TBC1D9B: variants seen among roughly 807,000 people sequenced by gnomAD.
TBC1D9B encodes the protein TBC1 domain family member 9B, also known as TBC1 domain family, member 9B (with GRAM domain).
Under a neutral mutation model 121.1 loss-of-function variants are expected in TBC1D9B, and 87 were observed. The ratio of observed to expected loss-of-function variants is 0.72; its 90% confidence interval spans 0.60 to 0.86. TBC1D9B has a LOEUF of 0.86. Ranked by LOEUF, TBC1D9B falls within the 40% of genes least tolerant of loss-of-function variation. TBC1D9B has a pLI of 0.00. For synonymous variants in TBC1D9B, 668 were observed against 670.1 expected (o/e 1.00, Z 0.05); for missense variants, 1,540 against 1,628.6 (o/e 0.95, Z 0.94).
At position 179,879,752 on chromosome 5, in the gene TBC1D9B, G is replaced by A; in HGVS notation, c.1292C>T (p.Ala431Val). ...PAPQEGSEQPASPASPLSSRQ... is the reference protein window; with the variant it reads ...PAPQEGSEQPVSPASPLSSRQ... ...GCTGCTGAGGGGAGAGGCTGGGCTG[G>A]CGGGCTGCTCCGACCCCTCCTGAGG... is the stretch of plus-strand genomic sequence containing the variant. Residue 431 changes from alanine (A) to valine (V), a missense_variant, in exon 8 of 21, where the codon GCC becomes GTC. Transcript: ENST00000355235. 6.2e-7 allele frequency: 1 copy of A among 1,613,908 alleles called. No homozygotes were observed. Among genetic ancestry groups the A allele is most frequent in the African/African-American group, 1.3e-5 (1 of 75,068 alleles).
At chr5:179,900,577 T>C (rs1193752163) in intron 2 of TBC1D9B, among the ~76,000 whole-genome samples, 2 of 152,198 alleles carry the variant, frequency 1.3e-5, no homozygotes, top group African/African-American at 4.8e-5. Flanking sequence ...CCTGAACCAG[T>C]ACCCTGGGGG....
intron 14 of TBC1D9B, 100 bp from the exon 15 acceptor site, chr5:179,871,630 T>C: frequency 7.7e-7 from 1 of 1,295,546 alleles, no homozygotes; most frequent in Middle Eastern, 2.2e-4. Context: ...AGGGCAAGGG[T>C]GTGAACCGCC....
intron 14 of TBC1D9B, chr5:179,872,548 GC>G: frequency 3.1e-6 from 1 of 321,424 alleles, no homozygotes. Flanking sequence ...TTTGGGGTGT[GC>G]GGAGGATGGC....
In TBC1D9B at chr5:179,890,830, T is replaced by C. The variant is rs868672821; in HGVS notation, c.1044+549A>G. On this transcript the variant is annotated intron_variant, in intron 6 of 20. Transcript: ENST00000355235. This position sits in a 1 kb window ranked among gnomAD's most constrained non-coding sequence, Gnocchi z 5.0. ...ATGGCCTTGCTCCCACCAGGGTCACTGTGGAAGTCCAAGAAACCCAAGAAG... is the reference window on the plus strand; with the variant it reads ...ATGGCCTTGCTCCCACCAGGGTCACCGTGGAAGTCCAAGAAACCCAAGAAG... Among the ~76,000 whole-genome samples, 25 of 152,252 alleles carry C rather than the reference T, an allele frequency of 1.6e-4. No individual in the cohort carries two copies. Among genetic ancestry groups the C allele is most frequent in the Admixed American group, 5.2e-4 (8 of 15,302 alleles).
Position 179,893,269 on chromosome 5 carries a change from A to T in TBC1D9B, c.776T>A (p.Leu259Gln). 1.9e-6 allele frequency: 3 copies of T among 1,613,786 alleles called. No individual in the cohort carries two copies. Among genetic ancestry groups the T allele is most frequent in the Non-Finnish European group, 2.5e-6 (3 of 1,180,008 alleles). The part of the protein sequence containing the change: ...MRQLLDSEGF[L>Q]EDKALPRPIR... ...GGGCCTAGGCAGGGCCTTGTCCTCC[A>T]GGAAGCCCTCGCTGTCCAGCAGCTG... Residue 259 changes from leucine (L) to glutamine (Q), a missense_variant, in exon 5 of 21, where the codon CTG (leucine) becomes CAG (glutamine). By Grantham distance (113) the Leu-to-Gln change is moderately radical. Coordinates refer to ENST00000355235, the MANE Select transcript of TBC1D9B (RefSeq NM_015043.4).
intron 5 of TBC1D9B, among the ~76,000 whole-genome samples, chr5:179,892,512 A>G (rs1338105159): frequency 6.6e-6 from 1 of 152,218 alleles, no homozygotes; most frequent in Non-Finnish European, 1.5e-5. Context: ...GGAGTTTCCC[A>G]TAAGCTACAA....
rs773160561 is a variant in TBC1D9B, at chr5:179,879,700, C to T, written c.1344G>A (p.Ala448=). ...SSRQSFCAQE[A]PTASQGLLKL... The stretch of plus-strand genomic sequence containing the variant: ...TCAGCAGGCCCTGGGATGCGGTTGG[C>T]GCCTCCTGCGCACAGAAGCTCTGGC... The change falls in exon 8 of 21, where the codon GCG becomes GCA. Residue 448 remains alanine (A), a synonymous_variant. Transcript: ENST00000355235. The T allele has an allele frequency of 3.0e-5, 49 of 1,614,050 alleles. No homozygotes were observed. The highest frequency in any genetic ancestry group is 4.0e-5 in the Non-Finnish European group (47 of 1,180,032).
intron 9 of TBC1D9B, 33 bp downstream of exon 9, chr5:179,879,014 A>G: frequency 6.3e-7 from 1 of 1,593,506 alleles, no homozygotes; most frequent in Non-Finnish European, 8.5e-7. Flanking sequence ...TGACTGGCTG[A>G]GCTGAGGCTG....
At chr5:179,884,249 T>A (rs1218227617) in intron 7 of TBC1D9B, 1 of 152,218 alleles carries the variant, frequency 6.6e-6, no homozygotes, top group Non-Finnish European at 1.5e-5. Flanking sequence ...TCTCTCAGAT[T>A]CACTTGTTGA....
chr5:179,865,899 G>C lies in TBC1D9B; in HGVS notation c.2864-11C>G. ...CCTGTGGTAGTGCTTCTGGACAAAC[G>C]CAAAAATAAAAAGAACATGAATAAC... On this transcript the variant is annotated splice_polypyrimidine_tract_variant and intron_variant, in intron 18 of 20. Coordinates refer to ENST00000355235, the MANE Select transcript of TBC1D9B (RefSeq NM_015043.4). The surrounding 1 kb of genome is among the most constrained non-coding windows in gnomAD (Gnocchi z 5.1). 1 of 1,613,668 alleles carries C rather than the reference G, an allele frequency of 6.2e-7. No homozygotes were observed. The highest frequency in any genetic ancestry group is 8.5e-7 in the Non-Finnish European group (1 of 1,179,764).
intron 3 of TBC1D9B, among the ~76,000 whole-genome samples, chr5:179,898,663 G>A (rs997193976): frequency 6.6e-6 from 1 of 151,310 alleles, no homozygotes; most frequent in African/African-American, 2.4e-5. Flanking sequence ...TGGCCAGGCT[G>A]CTCTTGAACT....
rs538404 is a variant in TBC1D9B, at chr5:179,878,575, G to T, written c.1568-52C>A. Reference sequence around the variant, plus strand: ...TCTGTCCTTCTTCTGGTACTTTGGGGGCAGTAACAGGGCAGGTTGGAGTCA... The same window carrying T: ...TCTGTCCTTCTTCTGGTACTTTGGGTGCAGTAACAGGGCAGGTTGGAGTCA... On this transcript the variant is annotated intron_variant, in intron 9 of 20. Coordinates refer to ENST00000355235, the MANE Select transcript of TBC1D9B (RefSeq NM_015043.4). The T allele has an allele frequency of 3.6e-3, 5,451 of 1,526,004 alleles. 173 individuals are homozygous for T. In the African/African-American group the frequency reaches 0.064, roughly 18 times the overall value. The allele number at this position is 1,526,004 out of a possible 1,614,324, so 94.5% of individuals were successfully genotyped here.
chr5:179,884,419 G>C (rs942954978), intron 7 of TBC1D9B: 1 of 152,160 alleles, frequency 6.6e-6, no homozygotes, highest in African/African-American at 2.4e-5. Context: ...TGGTGGTCTG[G>C]CCTCCAACTG....
chr5:179,904,850 G>A lies in TBC1D9B; in HGVS notation c.119-38C>T. The A allele has an allele frequency of 6.7e-7, 1 of 1,487,402 alleles. No homozygotes were observed. The highest frequency in any genetic ancestry group is 2.5e-5 in the East Asian group (1 of 39,464). The allele number at this position is 1,487,402 out of a possible 1,614,324, so 92.1% of individuals were successfully genotyped here. A position where few individuals can be genotyped will look rare whatever the true frequency, so the allele number is the denominator to read the frequency against. ...CAGAGAGACATAGAGGGTGAGGGGAGGGCCGGACTGAGGCCCCTGAAGGCT... is the reference window on the plus strand; with the variant it reads ...CAGAGAGACATAGAGGGTGAGGGGAAGGCCGGACTGAGGCCCCTGAAGGCT... On this transcript the variant is annotated intron_variant, in intron 1 of 20. Coordinates refer to ENST00000355235, the MANE Select transcript of TBC1D9B (RefSeq NM_015043.4). The surrounding 1 kb of genome is among the most constrained non-coding windows in gnomAD (Gnocchi z 4.2).
At chr5:179,881,945 C>CTTTTTTTTTTTTTTTT (rs1561640797) in intron 7 of TBC1D9B, among the ~76,000 whole-genome samples, 1 of 139,260 alleles carries the variant, frequency 7.2e-6, no homozygotes, top group African/African-American at 3.3e-5. Flanking sequence ...ATATACCTTC[C>CTTTTTTTTTTTTTTTT]GTTTTTTTTT....
At position 179,867,670 on chromosome 5, in the gene TBC1D9B, C is replaced by T. The variant is rs764711523; in HGVS notation, c.2863+108G>A. 11 of 1,547,400 alleles carry T rather than the reference C, an allele frequency of 7.1e-6. No individual in the cohort carries two copies. The South Asian group carries it at 1.0e-4, about 14-fold the overall frequency. On this transcript the variant is annotated intron_variant, in intron 18 of 20. Transcript: ENST00000355235. ...CCTGGGGAGAACCCCATGCGGCCTG[C>T]TCCCTGAGCCCAGGTGGGACTGCTG...
At position 179,874,882 on chromosome 5, in the gene TBC1D9B, G is replaced by A. The variant is rs1331610156; in HGVS notation, c.2186+20C>T. On this transcript the variant is annotated intron_variant, in intron 12 of 20. Coordinates refer to ENST00000355235, the MANE Select transcript of TBC1D9B (RefSeq NM_015043.4). This position sits in a 1 kb window ranked among gnomAD's most constrained non-coding sequence, Gnocchi z 4.3. ...GTTCTGCTGTGAGCCCCCAGCAGGAGAAGGAACCCGGCATGTCACCTGCCC... is the reference window on the plus strand; with the variant it reads ...GTTCTGCTGTGAGCCCCCAGCAGGAAAAGGAACCCGGCATGTCACCTGCCC... 6.2e-7 allele frequency: 1 copy of A among 1,609,430 alleles called. No homozygotes were observed. Among genetic ancestry groups the A allele is most frequent in the African/African-American group, 1.3e-5 (1 of 74,872 alleles).
At position 179,879,652 on chromosome 5, in the gene TBC1D9B, G is replaced by A; in HGVS notation, c.1392C>T (p.Pro464=). 2.5e-6 allele frequency: 4 copies of A among 1,614,102 alleles called. No homozygotes were observed. The highest frequency in any genetic ancestry group is 3.4e-6 in the Non-Finnish European group (4 of 1,179,968). The change falls in exon 8 of 21, where the codon CCC becomes CCT. Residue 464 remains proline (P), a synonymous_variant. Coordinates refer to ENST00000355235, the MANE Select transcript of TBC1D9B (RefSeq NM_015043.4). The part of the protein sequence containing the change: ...GLLKLFQKNS[P]MEDLGAKGAK... ...CCCCCTTGGCTCCAAGGTCCTCCAT[G>A]GGCGAGTTTTTCTGGAAGAGCTTCA...
rs191457192 is a variant in TBC1D9B at position 179,900,142 on chromosome 5, C to G, written c.230-835G>C. 1.8e-4 allele frequency among the ~76,000 whole-genome samples: 28 copies of G among 152,196 alleles called. No homozygotes were observed. In the East Asian group the frequency reaches 5.4e-3, roughly 29 times the overall value. On this transcript the variant is annotated intron_variant, in intron 2 of 20. Coordinates refer to ENST00000355235, the MANE Select transcript of TBC1D9B (RefSeq NM_015043.4). ...TGCTGAGGTGGGAGGATTGCTTGAGCCTGGGAGGCGGAGGCTACAGTGCAG... is the reference window on the plus strand; with the variant it reads ...TGCTGAGGTGGGAGGATTGCTTGAGGCTGGGAGGCGGAGGCTACAGTGCAG...
Sources: allele counts gnomAD v4.1 joint callset (sites outside exome capture counted in the v4.1 genomes callset), GRCh38; gene constraint gnomAD v4.1.1; non-coding constraint Gnocchi (gnomAD v3.1); transcripts MANE v1.5; gene names NCBI Gene and HGNC (gene_info 2026-07-23, HGNC 2026-07-21).